The following SCML2 variants were observed in gnomAD, a reference collection of about 807,000 sequenced individuals.
The protein encoded by SCML2 is Scm polycomb group protein like 2.
Under a neutral mutation model 48.4 loss-of-function variants are expected in SCML2, and 6 were observed. That is an observed-to-expected ratio of 0.12 (90% confidence interval 0.07 to 0.24). SCML2 has a LOEUF of 0.24. Ranked by LOEUF, SCML2 falls within the 10% of genes least tolerant of loss-of-function variation. The pLI is 1.00. For missense variants in SCML2, 377 were observed against 528.2 expected (o/e 0.71, Z 2.81); for synonymous variants, 181 against 189.5 (o/e 0.95, Z 0.37).
At chrX:18,353,149 A>AC (rs779548715) in intron 1 of SCML2, among the ~76,000 whole-genome samples, 37 of 110,619 alleles carry the variant, frequency 3.3e-4, no homozygotes, top group African/African-American at 9.2e-4. Flanking sequence ...AAAAAAAAAA[A>AC]ACACACAAAC....
At chrX:18,341,481 A>T (rs148348136) in intron 1 of SCML2, 1,642 of 138,874 alleles carry the variant, frequency 0.012, 17 homozygotes, top group Middle Eastern at 0.05. Flanking sequence ...CACCAGCCTG[A>T]GGGTCCCTAT....
At chrX:18,293,979 C>T (rs897580469) in intron 7 of SCML2, among the ~76,000 whole-genome samples, 2 of 111,842 alleles carry the variant, frequency 1.8e-5, no homozygotes, top group African/African-American at 6.5e-5. Flanking sequence ...AGCAGACCTT[C>T]AGTAAAGGAA....
At chrX:18,353,268 T>C (rs1930432762) in intron 1 of SCML2, among the ~76,000 whole-genome samples, 1 of 112,284 alleles carries the variant, frequency 8.9e-6, no homozygotes. Context: ...TCGCTGTTAT[T>C]GAAAAGAATT....
intron 6 of SCML2, among the ~76,000 whole-genome samples, chrX:18,318,597 C>T (rs1190665364): frequency 8.9e-6 from 1 of 112,255 alleles, no homozygotes; most frequent in Non-Finnish European, 1.9e-5. Flanking sequence ...CTGCTTTTAA[C>T]ATTACTTCTG....
At chrX:18,324,823 A>G in intron 4 of SCML2, 84 bp downstream of exon 4, 1 of 703,043 alleles carries the variant, frequency 1.4e-6, no homozygotes, top group East Asian at 3.3e-5. Flanking sequence ...ATCTCCTCAC[A>G]CTACCAGAAT....
intron 8 of SCML2, among the ~76,000 whole-genome samples, chrX:18,262,957 C>G (rs2147478828): frequency 9.3e-6 from 1 of 107,262 alleles, no homozygotes; most frequent in Non-Finnish European, 1.9e-5. Flanking sequence ...TTCAAGTGAT[C>G]TTTCTGCCTT....
At chrX:18,344,670 T>C (rs1424907184) in intron 1 of SCML2, among the ~76,000 whole-genome samples, 1 of 111,831 alleles carries the variant, frequency 8.9e-6, no homozygotes, top group East Asian at 2.8e-4. Context: ...TCTCATCTGC[T>C]GCCCTGTAAG....
intron 6 of SCML2, among the ~76,000 whole-genome samples, chrX:18,313,493 T>C (rs1929025660): frequency 9.0e-6 from 1 of 111,540 alleles, no homozygotes; most frequent in African/African-American, 3.3e-5. Flanking sequence ...ATTAAACTTT[T>C]TTCTCCCCAG....
intron 7 of SCML2, among the ~76,000 whole-genome samples, chrX:18,270,606 A>G (rs1927421240): frequency 9.0e-6 from 1 of 110,988 alleles, no homozygotes; most frequent in East Asian, 2.8e-4. Context: ...CGATTCAACT[A>G]AAAAGGAAAG....
chrX:18,352,725 GATCAACC>G (rs1930413792), intron 1 of SCML2, among the ~76,000 whole-genome samples: 2 of 111,782 alleles, frequency 1.8e-5, no homozygotes, highest in Non-Finnish European at 3.8e-5. Flanking sequence ...CAAAAGGACT[GATCAACC>G]ACCTCATGAG....
intron 2 of SCML2, among the ~76,000 whole-genome samples, chrX:18,332,309 G>A (rs1243258548): frequency 8.9e-6 from 1 of 112,090 alleles, no homozygotes; most frequent in South Asian, 3.7e-4. Flanking sequence ...TATTTGTTTT[G>A]CTTTTTATTA....
In SCML2 at chrX:18,334,045, C is replaced by T; in HGVS notation, c.22+5G>A. The T allele has an allele frequency of 8.4e-7, 1 of 1,196,301 alleles. No individual in the cohort carries two copies. Among genetic ancestry groups the T allele is most frequent in the Admixed American group, 2.2e-5 (1 of 44,515 alleles). On this transcript the variant is annotated splice_donor_5th_base_variant and intron_variant, in intron 2 of 14. Coordinates refer to ENST00000251900, the MANE Select transcript of SCML2 (RefSeq NM_006089.3). ...ACATTATTGCCTTTAACAAGTAAAT[C>T]TTACCTTCATTCACTGTTTGTCCCA...
chrX:18,309,650 C>T (rs1026831364), intron 6 of SCML2, among the ~76,000 whole-genome samples: 2 of 111,587 alleles, frequency 1.8e-5, no homozygotes, highest in African/African-American at 6.5e-5. Flanking sequence ...AGCTGGAGGC[C>T]ATTACCCTAA....
At position 18,260,224 on chromosome X, in the gene SCML2, C is replaced by T; in HGVS notation, c.1016G>A (p.Gly339Asp). ...AGAAGCGACATCTTTATATAACATG[C>T]CACGGTCTCTGGTCAGCGATTTTAG... ...ASLKSLTRDR[G>D]MLYKDVASGP... is the part of the protein sequence containing the mutation. The change falls in exon 9 of 15, where the codon GGC becomes GAC. Residue 339 changes from glycine (G) to aspartate (D), a missense_variant. Around this residue, in one of 3 missense-constraint regions of SCML2, gnomAD observed 299 missense variants for 425.5 expected, o/e 0.70. Transcript: ENST00000251900. 1.7e-6 allele frequency: 2 copies of T among 1,201,751 alleles called. No individual in the cohort carries two copies. The highest frequency in any genetic ancestry group is 3.6e-5 in the South Asian group (2 of 56,010).
intron 7 of SCML2, among the ~76,000 whole-genome samples, chrX:18,282,299 T>C (rs1489450548): frequency 1.8e-5 from 2 of 110,432 alleles, no homozygotes; most frequent in Admixed American, 9.7e-5. Context: ...GACGTTACAA[T>C]TGATCCCACA....
At chrX:18,324,478 A>T (rs1206031679) in intron 4 of SCML2, among the ~76,000 whole-genome samples, 1 of 111,199 alleles carries the variant, frequency 9.0e-6, no homozygotes, top group Non-Finnish European at 1.9e-5. Flanking sequence ...CCACACCTTT[A>T]ACCTCATTTC....
chrX:18,319,451 G>GT (rs1408570645), intron 6 of SCML2, among the ~76,000 whole-genome samples: 1 of 109,121 alleles, frequency 9.2e-6, no homozygotes, highest in African/African-American at 3.4e-5. Flanking sequence ...TACAAAAAAA[G>GT]TATCTGGGCA....
intron 11 of SCML2, among the ~76,000 whole-genome samples, chrX:18,256,009 A>G (rs763157970): frequency 1.8e-5 from 2 of 112,364 alleles, no homozygotes; most frequent in East Asian, 5.6e-4. Flanking sequence ...CACTTGCATA[A>G]AAGCTGAAAG....
At chrX:18,310,580 A>G (rs890664496) in intron 6 of SCML2, among the ~76,000 whole-genome samples, 2 of 108,426 alleles carry the variant, frequency 1.8e-5, no homozygotes, top group Non-Finnish European at 3.8e-5. Context: ...TATTTATTTT[A>G]TTTATTTTTT....
Sources: gnomAD v4.1 joint callset for allele counts (sites outside exome capture counted in the v4.1 genomes callset) on GRCh38, gnomAD v4.1.1 for gene constraint, gnomAD v4.1.1 regional missense constraint, MANE v1.5 for transcripts, NCBI Gene and HGNC (gene_info 2026-07-23, HGNC 2026-07-21) for gene names.